Variants in PTH1R observed in about 807,000 individuals in gnomAD.
PTH1R encodes parathyroid hormone 1 receptor.
In PTH1R, 32 loss-of-function variants were observed where a neutral mutation model predicts 70.7. The ratio of observed to expected loss-of-function variants is 0.45; its 90% CI spans 0.34 to 0.61. PTH1R has a LOEUF of 0.61. Among genes scored for constraint, PTH1R ranks in the 20% least tolerant of loss-of-function variants. The pLI is 0.01. For synonymous variants in PTH1R, 329 were observed against 324.8 expected (o/e 1.01, Z -0.14); for missense variants, 626 against 792.5 (o/e 0.79, Z 2.52).
chr3:46,901,581 C>T lies in PTH1R; in HGVS notation c.1116+101C>T, dbSNP rs1223253127. 2 of 1,435,418 alleles carry T rather than the reference C, an allele frequency of 1.4e-6. No individual in the cohort carries two copies. The highest frequency in any genetic ancestry group is 1.9e-6 in the Non-Finnish European group (2 of 1,045,600). 88.9% of individuals were successfully genotyped at this position (1,435,418 alleles called of 1,614,324 possible). A position where few individuals can be genotyped will look rare whatever the true frequency, so the allele number is the denominator to read the frequency against. ...GGGACCTAGGAGGCTTCCCTGGACC[C>T]CAGTGTCAGAGCTACAGAGGCCGGA... On this transcript the variant is annotated intron_variant, in intron 12 of 15. Coordinates refer to ENST00000449590, the MANE Select transcript of PTH1R (RefSeq NM_000316.3). This position sits in a 1 kb window ranked among gnomAD's most constrained non-coding sequence, Gnocchi z 7.3.
rs202200106 is a variant in PTH1R at position 46,902,616 on chromosome 3, G to A, written c.1302G>A (p.Gly434=). The A allele has an allele frequency of 2.0e-5, 32 of 1,613,888 alleles. No homozygotes were observed. The highest frequency in any genetic ancestry group is 2.7e-5 in the African/African-American group (2 of 74,886). The change falls in exon 14 of 16, where the codon GGG becomes GGA. Residue 434 remains glycine, a synonymous_variant. Coordinates refer to ENST00000449590, the MANE Select transcript of PTH1R (RefSeq NM_000316.3). This position sits in a 1 kb window ranked among gnomAD's most constrained non-coding sequence, Gnocchi z 5.4. ...FMATPYTEVS[G]TLWQVQMHYE... ...CCACACCATACACCGAGGTCTCAGG[G>A]ACGCTCTGGCAAGTCCAGATGCACT...
rs1184970709 is a variant in PTH1R, at chr3:46,895,071, AAAAC to A, written c.179-660_179-657del. ...AGAGGGAGACCTTGTCTCAAAAAAA[AAAAC>A]AAAAAAAACAAACAAACAAAAAAAA... On this transcript the variant is annotated intron_variant, in intron 4 of 15. Coordinates refer to ENST00000449590, the MANE Select transcript of PTH1R (RefSeq NM_000316.3). 6.6e-5 allele frequency among the ~76,000 whole-genome samples: 7 copies of A among 106,740 alleles called. No individual in the cohort carries two copies. The East Asian group carries it at 1.8e-3, about 27-fold the overall frequency. The allele number at this position is 106,740 out of a possible 152,430, so 70.0% of individuals were successfully genotyped here.
rs540920290 is a variant in PTH1R, at chr3:46,883,148, AAAAGAAAGAAAGAAAG to A, written c.-48-348_-48-333del. On this transcript the variant is annotated intron_variant, in intron 2 of 15. Transcript: ENST00000449590. The surrounding 1 kb of genome is among the most constrained non-coding windows in gnomAD (Gnocchi z 6.4). ...AGCTCCCATTTCCCCAAAAGAAAAA[AAAAGAAAGAAAGAAAG>A]AAAGAAAGAAAGAAAAGGCGGCGCG... Among the ~76,000 whole-genome samples the A allele has an allele frequency of 4.9e-5, 7 of 142,164 alleles. No homozygotes were observed. Among genetic ancestry groups the A allele is most frequent in the Non-Finnish European group, 9.2e-5 (6 of 64,940 alleles). 93.3% of individuals were successfully genotyped at this position (142,164 alleles called of 152,430 possible). A position where few individuals can be genotyped will look rare whatever the true frequency, so the allele number is the denominator to read the frequency against.
intron 2 of PTH1R, among the ~76,000 whole-genome samples, chr3:46,881,733 G>C (rs1344645557): frequency 6.6e-6 from 1 of 152,040 alleles, no homozygotes; most frequent in Non-Finnish European, 1.5e-5. Context: ...GGCTGGACGT[G>C]GGGGAGGGCG....
chr3:46,890,095 T>G (rs1041714161), intron 3 of PTH1R, among the ~76,000 whole-genome samples: 1 of 152,216 alleles, frequency 6.6e-6, no homozygotes, highest in African/African-American at 2.4e-5. Context: ...GCTTGGGGCC[T>G]CTGGCAGTAA....
In PTH1R at chr3:46,903,612, C is replaced by G. The variant is rs139381461; in HGVS notation, c.1738C>G (p.Arg580Gly). The change falls in exon 16 of 16, where the codon CGG (arginine) becomes GGG (glycine). Residue 580 changes from arginine (R) to glycine (G), a missense_variant. Physicochemically the swap from Arg to Gly is moderately radical, Grantham distance 125. Around this residue, in one of 3 missense-constraint regions of PTH1R, gnomAD observed 495 missense variants for 638.7 expected, o/e 0.77. Transcript: ENST00000449590. The surrounding 1 kb of genome is among the most constrained non-coding windows in gnomAD (Gnocchi z 4.4). ...GLDEEASGPE[R>G]PPALLQEEWE... is the part of the protein sequence containing the mutation. Reference sequence around the variant, plus strand: ...GGACGAGGAGGCCTCTGGGCCTGAGCGGCCACCTGCCCTGCTACAGGAAGA... The same window carrying G: ...GGACGAGGAGGCCTCTGGGCCTGAGGGGCCACCTGCCCTGCTACAGGAAGA... 6.2e-7 allele frequency: 1 copy of G among 1,612,676 alleles called. No homozygotes were observed. The highest frequency in any genetic ancestry group is 1.3e-5 in the African/African-American group (1 of 74,924).
intron 3 of PTH1R, among the ~76,000 whole-genome samples, chr3:46,885,267 T>C (rs2030941954): frequency 6.6e-6 from 1 of 152,160 alleles, no homozygotes; most frequent in Non-Finnish European, 1.5e-5. Flanking sequence ...GTGCATGACT[T>C]GGAGGCGCAG....
At chr3:46,878,314 T>C (rs569602111) in intron 1 of PTH1R, among the ~76,000 whole-genome samples, 67 of 152,296 alleles carry the variant, frequency 4.4e-4, no homozygotes, top group African/African-American at 1.5e-3. Flanking sequence ...TCCCCTCCCC[T>C]ACTGGGCTCT....
At chr3:46,890,703 G>A (rs2031368263) in intron 3 of PTH1R, among the ~76,000 whole-genome samples, 1 of 152,010 alleles carries the variant, frequency 6.6e-6, no homozygotes. Flanking sequence ...GTTTCTCCAT[G>A]TTGGTCAGGC....
Position 46,901,698 on chromosome 3 carries a change from G to C in PTH1R, c.1117-68G>C. The C allele has an allele frequency of 4.0e-6, 6 of 1,516,064 alleles. No homozygotes were observed. The East Asian group carries it at 1.4e-4, about 34-fold the overall frequency. The allele number at this position is 1,516,064 out of a possible 1,614,324, so 93.9% of individuals were successfully genotyped here. On this transcript the variant is annotated intron_variant, in intron 12 of 15. Coordinates refer to ENST00000449590, the MANE Select transcript of PTH1R (RefSeq NM_000316.3). The surrounding 1 kb of genome is among the most constrained non-coding windows in gnomAD (Gnocchi z 7.3). ...CAGTGACAGAGCAGAGCCTATGGCC[G>C]TGGCTGCCAGGCCTTGCCCCGCCCC...
chr3:46,888,418 G>A (rs768075342), intron 3 of PTH1R, among the ~76,000 whole-genome samples: 32 of 152,350 alleles, frequency 2.1e-4, no homozygotes, highest in East Asian at 5.8e-4. Context: ...TTAATGAGGC[G>A]TCAAGTAGCC....
intron 3 of PTH1R, among the ~76,000 whole-genome samples, chr3:46,886,777 C>G (rs945396551): frequency 1.4e-4 from 22 of 152,180 alleles, no homozygotes; most frequent in African/African-American, 5.3e-4. Context: ...CCAGTGATTT[C>G]TACGCTAAAG....
chr3:46,900,914 CAG>C, intron 10 of PTH1R, 109 bp from the exon 11 acceptor site: 1 of 1,222,986 alleles, frequency 8.2e-7, no homozygotes, highest in Non-Finnish European at 1.2e-6. Context: ...TGCCCAGTGT[CAG>C]GGGTTCAGGG....
rs2031430938 is a variant in PTH1R at position 46,891,836 on chromosome 3, TG to T, written c.76-2068del. Reference sequence around the variant, plus strand: ...ATGCCAGTGGTGGTGGTGGTAGTACTGGGAGGGACTGGTGATGCTGGTGTTG... The same window carrying T: ...ATGCCAGTGGTGGTGGTGGTAGTACTGGAGGGACTGGTGATGCTGGTGTTG... On this transcript the variant is annotated intron_variant, in intron 3 of 15. Coordinates refer to ENST00000449590, the MANE Select transcript of PTH1R (RefSeq NM_000316.3). The surrounding 1 kb of genome is among the most constrained non-coding windows in gnomAD (Gnocchi z 4.3). 6.6e-6 allele frequency among the ~76,000 whole-genome samples: 1 copy of T among 152,006 alleles called. No homozygotes were observed. The highest frequency in any genetic ancestry group is 2.4e-5 in the African/African-American group (1 of 41,362).
chr3:46,898,877 C>T lies in PTH1R; in HGVS notation c.834+20C>T. On this transcript the variant is annotated intron_variant, in intron 9 of 15. Coordinates refer to ENST00000449590, the MANE Select transcript of PTH1R (RefSeq NM_000316.3). ...GGCTACGTGAGTACCCCTCTGCCCG[C>T]CCGCTCCCGGTGCCGCCACTGGCCT... 2 of 1,490,982 alleles carry T rather than the reference C, an allele frequency of 1.3e-6. No individual in the cohort carries two copies. Among genetic ancestry groups the T allele is most frequent in the Non-Finnish European group, 1.8e-6 (2 of 1,116,554 alleles). 92.4% of individuals were successfully genotyped at this position (1,490,982 alleles called of 1,614,324 possible).
At chr3:46,877,889 A>G (rs2168442) in intron 1 of PTH1R, 46 bp downstream of exon 1, 18,170 of 152,294 alleles carry the variant, frequency 0.12, 2,668 homozygotes, top group African/African-American at 0.35. Flanking sequence ...ACAGCTGGGA[A>G]GCCCAAGTCT....
In PTH1R at chr3:46,892,876, G is replaced by A; in HGVS notation, c.76-1031G>A. ...CCTGCCCAGGGGTCTGAGGAAACAC[G>A]ACCCTGAATTAAGAGGGATGGGGCT... On this transcript the variant is annotated intron_variant, in intron 3 of 15. Transcript: ENST00000449590. The surrounding 1 kb of genome is among the most constrained non-coding windows in gnomAD (Gnocchi z 5.2). The A allele has an allele frequency of 1.1e-6, 1 of 902,916 alleles. No homozygotes were observed. Among genetic ancestry groups the A allele is most frequent in the Non-Finnish European group, 1.3e-6 (1 of 754,256 alleles). 55.9% of individuals were successfully genotyped at this position (902,916 alleles called of 1,614,324 possible). A position where few individuals can be genotyped will look rare whatever the true frequency, so the allele number is the denominator to read the frequency against.
Position 46,902,316 on chromosome 3 carries a change from C to T in PTH1R, c.1212-210C>T, listed in dbSNP as rs747736290. ...GACAGGGGGACTGTCATTTGAAGTC[C>T]GCTCCGGGACACCGCTGAGAACCAA... On this transcript the variant is annotated intron_variant, in intron 13 of 15. Coordinates refer to ENST00000449590, the MANE Select transcript of PTH1R (RefSeq NM_000316.3). The surrounding 1 kb of genome is among the most constrained non-coding windows in gnomAD (Gnocchi z 5.4). 9.9e-5 allele frequency among the ~76,000 whole-genome samples: 15 copies of T among 152,152 alleles called. No individual in the cohort carries two copies. Among genetic ancestry groups the T allele is most frequent in the South Asian group, 4.1e-4 (2 of 4,830 alleles).
intron 1 of PTH1R, among the ~76,000 whole-genome samples, chr3:46,878,371 G>A (rs1004220984): frequency 2.6e-5 from 4 of 152,200 alleles, no homozygotes; most frequent in African/African-American, 9.7e-5. Context: ...GAGAGGTCTG[G>A]GGTTGAGGGC....
Sources: allele counts gnomAD v4.1 joint callset (sites outside exome capture counted in the v4.1 genomes callset), GRCh38; gene constraint gnomAD v4.1.1; regional missense constraint gnomAD v4.1.1; non-coding constraint Gnocchi (gnomAD v3.1); transcripts MANE v1.5; gene names NCBI Gene and HGNC (gene_info 2026-07-23, HGNC 2026-07-21).